DAB2IP: variants seen among roughly 807,000 people sequenced by gnomAD.
DAB2IP encodes disabled homolog 2-interacting protein.
DAB2IP carries 28 observed loss-of-function variants against 107.2 expected under a neutral mutation model. The observed-to-expected ratio is 0.26, with a 90% confidence interval of 0.19 to 0.36. The LOEUF (loss-of-function observed/expected upper bound fraction) is 0.36. DAB2IP is among the 10% of genes least tolerant of loss of function. The pLI is 1.00. For missense variants in DAB2IP, 1,400 were observed against 1,644.7 expected (o/e 0.85, Z 2.57); for synonymous variants, 755 against 706.4 (o/e 1.07, Z -1.09).
At chr9:121,774,397 C>A in exon 13 of DAB2IP, 1 of 1,610,872 alleles carries the variant, frequency 6.2e-7, no homozygotes. Flanking sequence ...AGGACGAGCT[C>A]AGCCAAGCAG....
At position 121,699,505 on chromosome 9, in the gene DAB2IP, T is replaced by C; in HGVS notation, c.362+47T>C. The C allele has an allele frequency of 8.2e-7, 1 of 1,225,190 alleles. No homozygotes were observed. Among genetic ancestry groups the C allele is most frequent in the East Asian group, 3.9e-5 (1 of 25,494 alleles). 75.9% of individuals were successfully genotyped at this position (1,225,190 alleles called of 1,614,324 possible). On this transcript the variant is annotated intron_variant, in intron 3 of 15. Coordinates refer to ENST00000408936, the Ensembl canonical transcript of DAB2IP. The surrounding 1 kb of genome is among the most constrained non-coding windows in gnomAD (Gnocchi z 6.2). Reference sequence around the variant, plus strand: ...GGTCCCCCGCGCCGCCGCCCCGGGCTGCGCCCCTGAGGACGCGGGGACAAA... The same window carrying C: ...GGTCCCCCGCGCCGCCGCCCCGGGCCGCGCCCCTGAGGACGCGGGGACAAA...
chr9:121,714,459 G>A (rs1830489265), intron 3 of DAB2IP, among the ~76,000 whole-genome samples: 1 of 152,224 alleles, frequency 6.6e-6, no homozygotes, highest in Non-Finnish European at 1.5e-5. Context: ...AGGGAGACAG[G>A]CAGGCAGCTA....
chr9:121,763,945 C>G, intron 8 of DAB2IP, 66 bp downstream of exon 8: 1 of 1,585,610 alleles, frequency 6.3e-7, no homozygotes, highest in South Asian at 1.2e-5. Context: ...GTGTCTGGCA[C>G]CCGCAGTGTG....
At chr9:121,771,431 C>T (rs1436786578) in intron 11 of DAB2IP, among the ~76,000 whole-genome samples, 1 of 152,120 alleles carries the variant, frequency 6.6e-6, no homozygotes, top group Admixed American at 6.5e-5. Context: ...GTGGTCTCCC[C>T]CAAGGTGGTG....
chr9:121,616,481 G>C (rs1831283488), intron 1 of DAB2IP, among the ~76,000 whole-genome samples: 1 of 152,152 alleles, frequency 6.6e-6, no homozygotes, highest in African/African-American at 2.4e-5. Flanking sequence ...ACCCACATAG[G>C]CGTTTTTAAA....
chr9:121,646,202 G>A (rs1290655318), intron 1 of DAB2IP, among the ~76,000 whole-genome samples: 3 of 152,180 alleles, frequency 2.0e-5, no homozygotes, highest in African/African-American at 7.2e-5. Context: ...TTCTGCAAAC[G>A]ATGTCATTAA....
chr9:121,692,864 G>A (rs907239197), intron 2 of DAB2IP, among the ~76,000 whole-genome samples: 4 of 152,248 alleles, frequency 2.6e-5, no homozygotes, highest in African/African-American at 9.6e-5. Flanking sequence ...GTAGAGACCG[G>A]GGAACAGGGA....
intron 3 of DAB2IP, among the ~76,000 whole-genome samples, chr9:121,721,466 C>T (rs1830928504): frequency 6.6e-6 from 1 of 152,218 alleles, no homozygotes; most frequent in Non-Finnish European, 1.5e-5. Context: ...GTTGTGGGTC[C>T]TGCCATGTCC....
rs1834870276 is a variant in DAB2IP at position 121,772,864 on chromosome 9, C to T, written c.2336C>T (p.Ala779Val). 2 of 1,591,392 alleles carry T rather than the reference C, an allele frequency of 1.3e-6. No individual in the cohort carries two copies. Among genetic ancestry groups the T allele is most frequent in the Admixed American group, 1.7e-5 (1 of 58,454 alleles). The change falls in exon 12 of 16, where the codon GCT becomes GTT. Residue 779 changes from alanine to valine, a missense_variant. Coordinates refer to ENST00000408936, the Ensembl canonical transcript of DAB2IP. This position sits in a 1 kb window ranked among gnomAD's most constrained non-coding sequence, Gnocchi z 4.7. ...CCCACAGATGGGCAGGCCGCTGCAG[C>T]TCAGCTGGTGGCCGGGTGGCCGGCC...
At chr9:121,704,060 T>C (rs1307882485) in intron 3 of DAB2IP, among the ~76,000 whole-genome samples, 1 of 152,256 alleles carries the variant, frequency 6.6e-6, no homozygotes, top group Admixed American at 6.5e-5. Context: ...GGGTCATACT[T>C]GTTTTTAATC....
intron 1 of DAB2IP, among the ~76,000 whole-genome samples, chr9:121,596,498 G>C (rs1346702663): frequency 6.6e-6 from 1 of 152,168 alleles, no homozygotes; most frequent in Non-Finnish European, 1.5e-5. Flanking sequence ...CTGGGTGACA[G>C]AGCAAGCCTC....
intron 3 of DAB2IP, among the ~76,000 whole-genome samples, chr9:121,717,608 C>A (rs947481777): frequency 6.6e-6 from 1 of 152,234 alleles, no homozygotes; most frequent in African/African-American, 2.4e-5. Flanking sequence ...CCTGCCCCTC[C>A]TGGCGTGTTT....
chr9:121,676,305 G>A (rs551404812), intron 1 of DAB2IP, among the ~76,000 whole-genome samples: 1 of 152,354 alleles, frequency 6.6e-6, no homozygotes, highest in South Asian at 2.1e-4. Flanking sequence ...CTTCTGGAAA[G>A]CCTGCTCCTT....
rs2119047700 is a variant in DAB2IP, at chr9:121,782,658, G to A, written c.*160G>A. The A allele has an allele frequency of 1.4e-6, 2 of 1,451,736 alleles. No individual in the cohort carries two copies. The highest frequency in any genetic ancestry group is 2.5e-5 in the East Asian group (1 of 40,412). 89.9% of individuals were successfully genotyped at this position (1,451,736 alleles called of 1,614,324 possible). A position where few individuals can be genotyped will look rare whatever the true frequency, so the allele number is the denominator to read the frequency against. ...GCTGTCCAGGAGGCGGCCGCAGAGGGAGCCACCAGAGACTGAAGCAGCGTG... is the reference window on the plus strand; with the variant it reads ...GCTGTCCAGGAGGCGGCCGCAGAGGAAGCCACCAGAGACTGAAGCAGCGTG... On this transcript the variant is annotated 3_prime_UTR_variant, in exon 16 of 16. Transcript: ENST00000408936. The surrounding 1 kb of genome is among the most constrained non-coding windows in gnomAD (Gnocchi z 6.1).
chr9:121,627,160 CACACACACAA>C (rs1488147719), intron 1 of DAB2IP, among the ~76,000 whole-genome samples: 20 of 152,026 alleles, frequency 1.3e-4, no homozygotes, highest in African/African-American at 3.4e-4. Context: ...CACACACACA[CACACACACAA>C]GCATATGTAA....
Position 121,772,488 on chromosome 9 carries a change from C to T in DAB2IP, c.2079-119C>T. On this transcript the variant is annotated intron_variant, in intron 11 of 15. Coordinates refer to ENST00000408936, the Ensembl canonical transcript of DAB2IP. This position sits in a 1 kb window ranked among gnomAD's most constrained non-coding sequence, Gnocchi z 4.7. ...CCCCAGCGCATCCATCTCCCCAGCG[C>T]TGGCTCAGGCTGCCAGGCCCCGGCA... 1 of 1,135,814 alleles carries T rather than the reference C, an allele frequency of 8.8e-7. No homozygotes were observed. Among genetic ancestry groups the T allele is most frequent in the Non-Finnish European group, 1.3e-6 (1 of 788,102 alleles). The allele number at this position is 1,135,814 out of a possible 1,614,324, so 70.4% of individuals were successfully genotyped here.
At chr9:121,676,655 A>ACACACACACACACACACT (rs1488324378) in intron 1 of DAB2IP, among the ~76,000 whole-genome samples, 6 of 151,926 alleles carry the variant, frequency 3.9e-5, no homozygotes, top group African/African-American at 4.8e-5. Flanking sequence ...ACACACACTC[A>ACACACACACACACACACT]CACACACACG....
At chr9:121,669,975 G>A (rs10119920) in intron 1 of DAB2IP, among the ~76,000 whole-genome samples, 11,691 of 152,216 alleles carry the variant, frequency 0.077, 675 homozygotes, top group African/African-American at 0.16. Flanking sequence ...CATCATGTAT[G>A]TAGATTTGAG....
At chr9:121,743,245 G>A (rs1363396713) in intron 3 of DAB2IP, among the ~76,000 whole-genome samples, 1 of 152,192 alleles carries the variant, frequency 6.6e-6, no homozygotes, top group East Asian at 1.9e-4. Flanking sequence ...GCTGTGCCCA[G>A]CACATAGTGC....
Sources: allele counts gnomAD v4.1 joint callset (sites outside exome capture counted in the v4.1 genomes callset), GRCh38; gene constraint gnomAD v4.1.1; non-coding constraint Gnocchi (gnomAD v3.1); transcripts MANE v1.5; gene names NCBI Gene and HGNC (gene_info 2026-07-23, HGNC 2026-07-21).